The following STMN2 variants were observed in gnomAD, a reference collection of about 807,000 sequenced individuals.
STMN2 encodes stathmin-2.
In STMN2, 2 loss-of-function variants were observed where a neutral mutation model predicts 24.1. The observed-to-expected ratio is 0.08, with a 90% confidence interval of 0.03 to 0.26. The LOEUF (loss-of-function observed/expected upper bound fraction) is 0.26, where lower values mean the gene tolerates loss of function less well. STMN2 is among the 10% of genes least tolerant of loss of function. The pLI is 1.00. For missense variants in STMN2, 114 were observed against 213.6 expected, an observed-to-expected ratio of 0.53 and a Z score of 2.91; for synonymous variants, 83 against 77.5, an observed-to-expected ratio of 1.07 and a Z score of -0.37.
intron 3 of STMN2, 121 bp downstream of exon 3, chr8:79,641,671 CAT>C (rs919035883): frequency 1.5e-4 from 109 of 742,950 alleles, no homozygotes; most frequent in African/African-American, 4.0e-4. Flanking sequence ...CACACACACA[CAT>C]ACAGAGAGCA....
intron 3 of STMN2, among the ~76,000 whole-genome samples, chr8:79,654,311 C>T (rs2920945): frequency 0.062 from 9,312 of 150,128 alleles, 488 homozygotes; most frequent in East Asian, 0.28. Flanking sequence ...TAAGTTTGCA[C>T]TGTTCTCAGA....
chr8:79,624,471 A>G (rs1193448465), intron 1 of STMN2, among the ~76,000 whole-genome samples: 63 of 149,814 alleles, frequency 4.2e-4, no homozygotes, highest in South Asian at 8.4e-4. Context: ...AAAAAAAAAA[A>G]AAAAAAAGAA....
intron 2 of STMN2, among the ~76,000 whole-genome samples, chr8:79,639,644 C>T (rs1232794489): frequency 6.6e-6 from 1 of 152,136 alleles, no homozygotes; most frequent in African/African-American, 2.4e-5. Flanking sequence ...ATCTGCTTAT[C>T]TTTAATACAT....
At chr8:79,633,032 T>C (rs565047718) in intron 1 of STMN2, among the ~76,000 whole-genome samples, 15 of 152,312 alleles carry the variant, frequency 9.8e-5, no homozygotes, top group Admixed American at 1.3e-4. Context: ...TTGCACTATT[T>C]CCCTTAGCCG....
intron 1 of STMN2, 125 bp downstream of exon 1, chr8:79,611,339 C>A: frequency 7.8e-7 from 1 of 1,282,770 alleles, no homozygotes; most frequent in Non-Finnish European, 1.1e-6. Flanking sequence ...AACACAGGAC[C>A]AGGAAGGACA....
At chr8:79,634,540 T>C (rs1183861596) in intron 1 of STMN2, among the ~76,000 whole-genome samples, 1 of 152,238 alleles carries the variant, frequency 6.6e-6, no homozygotes, top group Non-Finnish European at 1.5e-5. Context: ...TTGCACCTGT[T>C]AACACATTGA....
chr8:79,614,566 G>T (rs926774843), intron 1 of STMN2, among the ~76,000 whole-genome samples: 1 of 152,232 alleles, frequency 6.6e-6, no homozygotes, highest in East Asian at 1.9e-4. Flanking sequence ...TAGCTAGAAT[G>T]ATAGGATAAA....
At chr8:79,612,838 T>A (rs1809273141) in intron 1 of STMN2, among the ~76,000 whole-genome samples, 1 of 151,488 alleles carries the variant, frequency 6.6e-6, no homozygotes, top group Non-Finnish European at 1.5e-5. Flanking sequence ...GGAAGAGGAA[T>A]ATGGGAGGGG....
intron 3 of STMN2, among the ~76,000 whole-genome samples, chr8:79,654,625 T>G (rs1204839234): frequency 6.6e-6 from 1 of 152,212 alleles, no homozygotes; most frequent in African/African-American, 2.4e-5. Flanking sequence ...CAATGAGGAT[T>G]AAATGCTTCT....
intron 3 of STMN2, among the ~76,000 whole-genome samples, chr8:79,650,114 G>C (rs561709901): frequency 5.9e-5 from 9 of 152,268 alleles, no homozygotes; most frequent in South Asian, 2.1e-4. Flanking sequence ...ATTTTGCCTT[G>C]ACATTTGCAT....
chr8:79,641,330 A>G (rs373145533), intron 2 of STMN2, 48 bp from the exon 3 acceptor site: 5 of 1,577,336 alleles, frequency 3.2e-6, no homozygotes, highest in Non-Finnish European at 4.3e-6. Flanking sequence ...AAATAAACCC[A>G]TGCTGCAAGC....
At chr8:79,623,963 T>A (rs999470107) in intron 1 of STMN2, among the ~76,000 whole-genome samples, 2 of 152,196 alleles carry the variant, frequency 1.3e-5, no homozygotes, top group Middle Eastern at 3.2e-3. Context: ...ACAAATAAGG[T>A]AAATGAAATT....
intron 1 of STMN2, among the ~76,000 whole-genome samples, chr8:79,620,484 G>A (rs1257303777): frequency 1.3e-5 from 2 of 151,930 alleles, no homozygotes; most frequent in Non-Finnish European, 2.9e-5. Flanking sequence ...CAGGTATTAT[G>A]AGAACAAAAA....
At chr8:79,619,528 T>G (rs1001329138) in intron 1 of STMN2, among the ~76,000 whole-genome samples, 1 of 152,116 alleles carries the variant, frequency 6.6e-6, no homozygotes, top group African/African-American at 2.4e-5. Flanking sequence ...ATATTGACTG[T>G]TACAAAACTG....
intron 1 of STMN2, among the ~76,000 whole-genome samples, chr8:79,632,295 A>G (rs1809821606): frequency 6.6e-6 from 1 of 152,226 alleles, no homozygotes; most frequent in Admixed American, 6.5e-5. Context: ...GAATTGCTGT[A>G]AAACCAAGGG....
intron 1 of STMN2, among the ~76,000 whole-genome samples, chr8:79,630,980 C>T (rs77190128): frequency 0.039 from 6,001 of 152,230 alleles, 263 homozygotes; most frequent in East Asian, 0.25. Context: ...GCTTTCATTA[C>T]TCCTCTAAAC....
chr8:79,642,940 T>C (rs1035380309), intron 3 of STMN2, among the ~76,000 whole-genome samples: 21 of 148,676 alleles, frequency 1.4e-4, no homozygotes, highest in African/African-American at 5.1e-4. Flanking sequence ...GATATCTATA[T>C]TATAGATATA....
intron 3 of STMN2, among the ~76,000 whole-genome samples, chr8:79,644,103 T>C (rs1810167601): frequency 6.6e-6 from 1 of 152,222 alleles, no homozygotes; most frequent in South Asian, 2.1e-4. Context: ...TAAAGAACTA[T>C]TAATTATCTT....
intron 1 of STMN2, among the ~76,000 whole-genome samples, chr8:79,613,028 G>T (rs1220947143): frequency 6.6e-6 from 1 of 152,032 alleles, no homozygotes; most frequent in Non-Finnish European, 1.5e-5. Context: ...GCCACACAAA[G>T]GCGCGGCCCC....
Sources: allele counts gnomAD v4.1 joint callset (sites outside exome capture counted in the v4.1 genomes callset), GRCh38; gene constraint gnomAD v4.1.1; transcripts MANE v1.5; gene names NCBI Gene and HGNC (gene_info 2026-07-23, HGNC 2026-07-21).